PACSIN2: variants seen among roughly 807,000 people sequenced by gnomAD.
PACSIN2 encodes protein kinase C and casein kinase substrate in neurons protein 2.
Under a neutral mutation model 63.8 loss-of-function variants are expected in PACSIN2, and 25 were observed. The ratio of observed to expected loss-of-function variants is 0.39; its 90% CI spans 0.29 to 0.55. PACSIN2 has a LOEUF of 0.55. Among genes scored for constraint, PACSIN2 ranks in the 20% least tolerant of loss-of-function variants. The probability of loss-of-function intolerance (pLI) is 0.62; values close to 1 mark genes in which losing one functional copy is unlikely to be tolerated. For synonymous variants in PACSIN2, 255 were observed against 256.2 expected (o/e 1.00, Z 0.05); for missense variants, 518 against 646.9 (o/e 0.80, Z 2.16).
At chr22:42,953,538 T>C (rs1264010682) in intron 1 of PACSIN2, among the ~76,000 whole-genome samples, 1 of 152,238 alleles carries the variant, frequency 6.6e-6, no homozygotes, top group Admixed American at 6.5e-5. Flanking sequence ...TAAATGGTTT[T>C]AGCATGGCTG....
At chr22:42,985,270 T>C (rs1922522536) in intron 1 of PACSIN2, among the ~76,000 whole-genome samples, 1 of 152,206 alleles carries the variant, frequency 6.6e-6, no homozygotes, top group Non-Finnish European at 1.5e-5. Flanking sequence ...GAGGTTGCAG[T>C]GAGCCGAGAT....
At chr22:42,902,948 G>A (rs1446431754) in intron 2 of PACSIN2, among the ~76,000 whole-genome samples, 1 of 152,176 alleles carries the variant, frequency 6.6e-6, no homozygotes, top group African/African-American at 2.4e-5. Flanking sequence ...AGTCACACGA[G>A]CTCTCTCCAT....
At chr22:42,995,749 G>C (rs375284466) in intron 1 of PACSIN2, among the ~76,000 whole-genome samples, 1 of 152,236 alleles carries the variant, frequency 6.6e-6, no homozygotes, top group South Asian at 2.1e-4. Context: ...TTTCCTCCTT[G>C]AGAAAGGCAA....
At chr22:42,882,127 CTG>C in intron 7 of PACSIN2, 55 bp downstream of exon 7, 1 of 1,593,494 alleles carries the variant, frequency 6.3e-7, no homozygotes, top group African/African-American at 1.3e-5. Flanking sequence ...TCTAGCAACT[CTG>C]TGGGCCCAGG....
chr22:42,959,592 C>T (rs1023618957), intron 1 of PACSIN2: 3 of 152,192 alleles, frequency 2.0e-5, no homozygotes, highest in Admixed American at 2.0e-4. Flanking sequence ...TCTCCAAGCA[C>T]CCTGGATAAA....
chr22:42,971,506 C>A (rs958628789), intron 1 of PACSIN2, among the ~76,000 whole-genome samples: 5 of 152,086 alleles, frequency 3.3e-5, no homozygotes, highest in African/African-American at 9.7e-5. Flanking sequence ...CCGGCCGCCA[C>A]CCCATCTGGG....
At chr22:42,930,107 A>G (rs989831589) in intron 1 of PACSIN2, among the ~76,000 whole-genome samples, 1 of 152,224 alleles carries the variant, frequency 6.6e-6, no homozygotes, top group Non-Finnish European at 1.5e-5. Flanking sequence ...CTCATCGCGA[A>G]CCATGAGGTG....
intron 2 of PACSIN2, among the ~76,000 whole-genome samples, chr22:42,900,728 A>G (rs765865467): frequency 1.3e-5 from 2 of 152,148 alleles, no homozygotes; most frequent in Non-Finnish European, 2.9e-5. Flanking sequence ...CCCAACTTGG[A>G]CTCCCAAAGT....
chr22:42,878,530 T>A (rs1569208732), intron 8 of PACSIN2, among the ~76,000 whole-genome samples: 1 of 152,242 alleles, frequency 6.6e-6, no homozygotes, highest in African/African-American at 2.4e-5. Flanking sequence ...TTTCAGCCAA[T>A]GACTAAGTCA....
chr22:42,878,117 G>A (rs995164554), intron 8 of PACSIN2, among the ~76,000 whole-genome samples: 1 of 152,196 alleles, frequency 6.6e-6, no homozygotes, highest in African/African-American at 2.4e-5. Context: ...GACGGCACTG[G>A]TGGGGGCGGC....
chr22:42,995,675 T>C (rs1923346837), intron 1 of PACSIN2, among the ~76,000 whole-genome samples: 1 of 152,154 alleles, frequency 6.6e-6, no homozygotes. Context: ...ATATACAGAT[T>C]TGGTAACTTC....
chr22:42,928,533 A>T (rs1433844657), intron 1 of PACSIN2, among the ~76,000 whole-genome samples: 1 of 152,064 alleles, frequency 6.6e-6, no homozygotes, highest in Non-Finnish European at 1.5e-5. Context: ...TAGATGTGAA[A>T]CTCCTTTAAT....
In PACSIN2 at chr22:42,988,467, A is replaced by G. The variant is rs1027064682; in HGVS notation, c.-78+26554T>C. ...TAATCCTGCGTCCTAGTAATTAAAGAAAAAAATACATTATGCAATGAACTG... is the reference window on the plus strand; with the variant it reads ...TAATCCTGCGTCCTAGTAATTAAAGGAAAAAATACATTATGCAATGAACTG... On this transcript the variant is annotated intron_variant, in intron 1 of 10. Transcript: ENST00000263246. Among the ~76,000 whole-genome samples the G allele has an allele frequency of 3.9e-5, 6 of 152,340 alleles. No individual in the cohort carries two copies. The East Asian group carries it at 1.2e-3, about 29-fold the overall frequency.
intron 1 of PACSIN2, among the ~76,000 whole-genome samples, chr22:42,970,670 GTCT>G (rs1297052840): frequency 3.9e-5 from 6 of 152,206 alleles, no homozygotes; most frequent in African/African-American, 1.4e-4. Flanking sequence ...GGACAATGTG[GTCT>G]TCTTTTTAAA....
chr22:42,955,078 A>G (rs910696963), intron 1 of PACSIN2, among the ~76,000 whole-genome samples: 13 of 151,892 alleles, frequency 8.6e-5, no homozygotes, highest in East Asian at 7.7e-4. Context: ...TTTCCCCCCA[A>G]TCTCCTCCAT....
intron 10 of PACSIN2, among the ~76,000 whole-genome samples, chr22:42,873,373 A>G (rs1928322999): frequency 6.6e-6 from 1 of 152,252 alleles, no homozygotes; most frequent in Admixed American, 6.5e-5. Context: ...GCACATTAAA[A>G]AAAAATCCAA....
chr22:42,959,618 C>T (rs545917786), intron 1 of PACSIN2: 2 of 152,310 alleles, frequency 1.3e-5, no homozygotes, highest in East Asian at 3.9e-4. Context: ...CTGCATTGCT[C>T]AGTTAATAAT....
intron 1 of PACSIN2, among the ~76,000 whole-genome samples, chr22:42,963,759 C>A (rs1409472148): frequency 6.6e-6 from 1 of 152,150 alleles, no homozygotes; most frequent in East Asian, 1.9e-4. Context: ...TCTACCACAC[C>A]CGTGCCTCCC....
At chr22:42,934,310 C>T (rs1202137605) in intron 1 of PACSIN2, among the ~76,000 whole-genome samples, 2 of 152,238 alleles carry the variant, frequency 1.3e-5, no homozygotes, top group Non-Finnish European at 2.9e-5. Flanking sequence ...AGAGCTACAG[C>T]ACAATTTCTA....
Sources: gnomAD v4.1 joint callset for allele counts (sites outside exome capture counted in the v4.1 genomes callset) on GRCh38, gnomAD v4.1.1 for gene constraint, MANE v1.5 for transcripts, NCBI Gene and HGNC (gene_info 2026-07-23, HGNC 2026-07-21) for gene names.